The following PAK5 variants were observed in gnomAD, a reference collection of about 807,000 sequenced individuals.
The protein encoded by PAK5 is serine/threonine-protein kinase PAK 5.
Under a neutral mutation model 65.9 loss-of-function variants are expected in PAK5, and 16 were observed. The observed-to-expected ratio is 0.24, with a 90% CI of 0.16 to 0.37. The LOEUF is 0.37. Ranked by LOEUF, PAK5 falls within the 10% of genes least tolerant of loss-of-function variation. The pLI is 1.00. For synonymous variants in PAK5, 371 were observed against 354.9 expected, an observed-to-expected ratio of 1.05 and a Z score of -0.51; for missense variants, 785 against 903.9, an observed-to-expected ratio of 0.87 and a Z score of 1.69.
rs184855921 is a variant in PAK5 at position 9,639,391 on chromosome 20, G to A, written c.204+4734C>T. ...TGGAGAAAGATAGGATTTGCTTTAT[G>A]GGAGTTTAGTGTTAGTATGAGGTAC... On this transcript the variant is annotated intron_variant, in intron 3 of 9. Transcript: ENST00000353224. 8.7e-4 allele frequency among the ~76,000 whole-genome samples: 132 copies of A among 152,170 alleles called. 1 individual carries two copies. The highest frequency in any genetic ancestry group is 3.1e-3 in the African/African-American group (129 of 41,470).
Position 9,596,679 on chromosome 20 carries a change from G to A in PAK5, c.205-15749C>T, listed in dbSNP as rs144178273. Among the ~76,000 whole-genome samples, 186 of 150,510 alleles carry A rather than the reference G, an allele frequency of 1.2e-3. 2 individuals carry two copies. The East Asian group carries it at 0.032, about 26-fold the overall frequency. On this transcript the variant is annotated intron_variant, in intron 3 of 9. Coordinates refer to ENST00000353224, the MANE Select transcript of PAK5 (RefSeq NM_177990.4). The stretch of plus-strand genomic sequence containing the variant: ...AAAAAAAGACTACAGAGAAGTCGTG[G>A]CTTGAGGAGCTTTTAAAAATCCTTT...
At chr20:9,807,791 A>ATAATAATAATAT (rs1555929887) in intron 1 of PAK5, among the ~76,000 whole-genome samples, 2 of 150,440 alleles carry the variant, frequency 1.3e-5, no homozygotes, top group African/African-American at 4.9e-5. Context: ...AATAATAATA[A>ATAATAATAATAT]ATCCAGTGCA....
intron 6 of PAK5, among the ~76,000 whole-genome samples, chr20:9,560,941 C>T (rs765536818): frequency 3.5e-4 from 53 of 152,138 alleles, no homozygotes; most frequent in Non-Finnish European, 5.4e-4. Flanking sequence ...GGGGTAGTAC[C>T]TGAGATTCTG....
intron 2 of PAK5, among the ~76,000 whole-genome samples, chr20:9,684,250 T>C (rs6039547): frequency 0.36 from 54,695 of 152,052 alleles, 11,940 homozygotes; most frequent in African/African-American, 0.62. Flanking sequence ...CAGATTATGG[T>C]TCTGCCACTT....
At chr20:9,696,668 C>A (rs191190619) in intron 2 of PAK5, among the ~76,000 whole-genome samples, 1 of 151,962 alleles carries the variant, frequency 6.6e-6, no homozygotes, top group African/African-American at 2.4e-5. Flanking sequence ...TGGACCCACA[C>A]AGTAATAATC....
chr20:9,725,421 T>G (rs545927333), intron 1 of PAK5, among the ~76,000 whole-genome samples: 2 of 152,200 alleles, frequency 1.3e-5, no homozygotes, highest in South Asian at 4.1e-4. Context: ...TTATTTACGA[T>G]GTAATGGAAG....
intron 3 of PAK5, among the ~76,000 whole-genome samples, chr20:9,597,173 T>A (rs1330490853): frequency 6.6e-6 from 1 of 152,214 alleles, no homozygotes; most frequent in African/African-American, 2.4e-5. Context: ...TCACTTTCCC[T>A]TGCTGGGGCT....
At chr20:9,670,806 C>T (rs930559656) in intron 2 of PAK5, among the ~76,000 whole-genome samples, 17 of 152,052 alleles carry the variant, frequency 1.1e-4, no homozygotes, top group Admixed American at 2.6e-4. Flanking sequence ...TTTTGGCTTT[C>T]GTTGCCATTG....
At chr20:9,667,989 A>C (rs947048155) in intron 2 of PAK5, among the ~76,000 whole-genome samples, 6 of 152,184 alleles carry the variant, frequency 3.9e-5, no homozygotes, top group Non-Finnish European at 7.4e-5. Context: ...CAAATAGATC[A>C]GAAGCTGAGA....
rs773121535 is a variant in PAK5 at position 9,810,596 on chromosome 20, C to T, written c.-162+28166G>A. 5.3e-5 allele frequency among the ~76,000 whole-genome samples: 8 copies of T among 152,142 alleles called. 1 individual carries two copies. Among genetic ancestry groups the T allele is most frequent in the Admixed American group, 2.6e-4 (4 of 15,270 alleles). Reference sequence around the variant, plus strand: ...GTATCAAGGGCAGTGTTTAACTAGGCTTAATTTAGACACAACAGTTTATAT... The same window carrying T: ...GTATCAAGGGCAGTGTTTAACTAGGTTTAATTTAGACACAACAGTTTATAT... On this transcript the variant is annotated intron_variant, in intron 1 of 9. Transcript: ENST00000353224.
intron 2 of PAK5, among the ~76,000 whole-genome samples, chr20:9,699,885 G>T (rs1364991801): frequency 6.6e-6 from 1 of 152,110 alleles, no homozygotes; most frequent in African/African-American, 2.4e-5. Context: ...CATGCCTATG[G>T]CAAATGGGGA....
chr20:9,546,126 C>A (rs970003), intron 7 of PAK5, among the ~76,000 whole-genome samples: 2 of 151,938 alleles, frequency 1.3e-5, no homozygotes, highest in African/African-American at 4.8e-5. Context: ...GACAAGATTC[C>A]CCCTGCCACA....
chr20:9,745,890 A>C (rs187493760), intron 1 of PAK5, among the ~76,000 whole-genome samples: 1 of 152,238 alleles, frequency 6.6e-6, no homozygotes, highest in East Asian at 1.9e-4. Context: ...AAAAAGAGAA[A>C]TATGAATCCA....
intron 2 of PAK5, among the ~76,000 whole-genome samples, chr20:9,683,754 T>C (rs1281520395): frequency 6.6e-6 from 1 of 152,182 alleles, no homozygotes; most frequent in Non-Finnish European, 1.5e-5. Flanking sequence ...GCTCTTGCTC[T>C]GTCACCCAGG....
chr20:9,630,327 T>A (rs2046905396), intron 3 of PAK5, among the ~76,000 whole-genome samples: 1 of 152,182 alleles, frequency 6.6e-6, no homozygotes, highest in South Asian at 2.1e-4. Flanking sequence ...AACTATGCAG[T>A]TACACGAAGG....
rs781003008 is a variant in PAK5, at chr20:9,596,002, C to T, written c.205-15072G>A. 5.9e-5 allele frequency among the ~76,000 whole-genome samples: 9 copies of T among 152,264 alleles called. 1 individual carries two copies. The South Asian group carries it at 8.3e-4, about 14-fold the overall frequency. ...TGTCTCTTCTTCCTTCCATAATTTA[C>T]GTGTTTCTTGGCCTTCACTGTTGAA... On this transcript the variant is annotated intron_variant, in intron 3 of 9. Transcript: ENST00000353224.
chr20:9,640,523 CGTG>C (rs1471976562), intron 3 of PAK5, among the ~76,000 whole-genome samples: 2 of 152,074 alleles, frequency 1.3e-5, no homozygotes, highest in Non-Finnish European at 2.9e-5. Context: ...AATAAACATA[CGTG>C]TGCTTGTGTG....
rs901334219 is a variant in PAK5 at position 9,661,411 on chromosome 20, GT to G, written c.-11-17073del. 1.3e-4 allele frequency among the ~76,000 whole-genome samples: 20 copies of G among 152,104 alleles called. No individual in the cohort carries two copies. The East Asian group carries it at 3.7e-3, about 28-fold the overall frequency. ...TCCAGACCCACCAAGGTGAACAATT[GT>G]TTTTTTCTTCCTTTCCCTGTTATCT... On this transcript the variant is annotated intron_variant, in intron 2 of 9. Transcript: ENST00000353224.
At chr20:9,607,989 T>C (rs1038000654) in intron 3 of PAK5, among the ~76,000 whole-genome samples, 1 of 152,140 alleles carries the variant, frequency 6.6e-6, no homozygotes, top group Non-Finnish European at 1.5e-5. Context: ...AATTCCAAGA[T>C]CAAGGTGCTA....
Sources: allele counts gnomAD v4.1 joint callset (sites outside exome capture counted in the v4.1 genomes callset), GRCh38; gene constraint gnomAD v4.1.1; transcripts MANE v1.5; gene names NCBI Gene and HGNC (gene_info 2026-07-23, HGNC 2026-07-21).